Variants in FHAD1 observed in about 807,000 individuals in gnomAD.
The protein encoded by FHAD1 is forkhead-associated domain-containing protein 1.
FHAD1 carries 146 observed loss-of-function variants against 191.3 expected under a neutral mutation model. That is an observed-to-expected ratio of 0.76 (90% confidence interval 0.67 to 0.88). The LOEUF (loss-of-function observed/expected upper bound fraction) is 0.88, where lower values mean the gene tolerates loss of function less well. Among genes scored for constraint, FHAD1 ranks in the 40% least tolerant of loss-of-function variants. The probability of loss-of-function intolerance (pLI) is 0.00; values close to 1 mark genes in which losing one functional copy is unlikely to be tolerated. For synonymous variants in FHAD1, 616 were observed against 672.3 expected (o/e 0.92, Z 1.29); for missense variants, 1,635 against 1,785.8 (o/e 0.92, Z 1.52).
upstream of FHAD1, among the ~76,000 whole-genome samples, chr1:15,244,810 A>C (rs1645809064): frequency 6.6e-6 from 1 of 152,196 alleles, no homozygotes; most frequent in African/African-American, 2.4e-5. The surrounding 1 kb of genome is among the most constrained non-coding windows in gnomAD (Gnocchi z 5.1). Context: ...ATAGTATGTG[A>C]GTTGATGATA....
chr1:15,356,044 G>A (rs1692677737), intron 20 of FHAD1, among the ~76,000 whole-genome samples: 1 of 151,794 alleles, frequency 6.6e-6, no homozygotes, highest in Admixed American at 6.6e-5. Context: ...CTTCCAGACA[G>A]CCTTTGTGTT....
intron 3 of FHAD1, among the ~76,000 whole-genome samples, chr1:15,288,410 C>T (rs900510290): frequency 2.6e-5 from 4 of 152,252 alleles, no homozygotes; most frequent in Non-Finnish European, 4.4e-5. Context: ...GCAGCTGGAG[C>T]ATCTTCCCCG....
At position 15,365,950 on chromosome 1, in the gene FHAD1, G is replaced by T. The variant is rs1267700303; in HGVS notation, c.3154+17G>T. 6.6e-7 allele frequency: 1 copy of T among 1,516,360 alleles called. No homozygotes were observed. Among genetic ancestry groups the T allele is most frequent in the African/African-American group, 1.4e-5 (1 of 72,412 alleles). The allele number at this position is 1,516,360 out of a possible 1,614,324, so 93.9% of individuals were successfully genotyped here. ...ATTTGAGAGGTTTGAACAATTTCTG[G>T]TGTCTCTTGACCTCCTGACCCACTC... On this transcript the variant is annotated intron_variant, in intron 24 of 33. Transcript: ENST00000688493.
At position 15,318,009 on chromosome 1, in the gene FHAD1, C is replaced by T. The variant is rs1675038695; in HGVS notation, c.1365+81C>T. On this transcript the variant is annotated intron_variant, in intron 10 of 33. Coordinates refer to ENST00000688493, the MANE Select transcript of FHAD1 (RefSeq NM_001391957.1). The surrounding 1 kb of genome is among the most constrained non-coding windows in gnomAD (Gnocchi z 4.1). ...CATCCCTGTTAGTCCTCTAAGTGGA[C>T]TATGCTGGTATTAACCCTTCTTACA... is the stretch of plus-strand genomic sequence containing the variant. 2 of 898,984 alleles carry T rather than the reference C, an allele frequency of 2.2e-6. No homozygotes were observed. The highest frequency in any genetic ancestry group is 3.3e-5 in the African/African-American group (2 of 59,758). The allele number at this position is 898,984 out of a possible 1,614,324, so 55.7% of individuals were successfully genotyped here. A position where few individuals can be genotyped will look rare whatever the true frequency, so the allele number is the denominator to read the frequency against.
chr1:15,244,624 T>C (rs1645785303), upstream of FHAD1, among the ~76,000 whole-genome samples: 1 of 152,152 alleles, frequency 6.6e-6, no homozygotes, highest in Non-Finnish European at 1.5e-5. The surrounding 1 kb of genome is among the most constrained non-coding windows in gnomAD (Gnocchi z 5.1). Flanking sequence ...GAGGCCGGGC[T>C]TCAGAAGGGT....
At chr1:15,319,273 G>A (rs1328279860) in intron 10 of FHAD1, among the ~76,000 whole-genome samples, 1 of 152,190 alleles carries the variant, frequency 6.6e-6, no homozygotes, top group East Asian at 1.9e-4. Context: ...ATAGTCAGCA[G>A]AAGTCAAATC....
rs2473334 is a variant in FHAD1, at chr1:15,383,872, C to G, written c.4188+1679C>G. The G allele has an allele frequency of 9.5e-4, 428 of 448,408 alleles. 1 individual carries two copies. Among genetic ancestry groups the G allele is most frequent in the African/African-American group, 7.4e-3 (370 of 50,128 alleles). 27.8% of individuals were successfully genotyped at this position (448,408 alleles called of 1,614,324 possible). A position where few individuals can be genotyped will look rare whatever the true frequency, so the allele number is the denominator to read the frequency against. On this transcript the variant is annotated intron_variant, in intron 31 of 33. Transcript: ENST00000688493. Reference sequence around the variant, plus strand: ...TGCACACAGCGGCTGGTAAGGACAGCTGGGACCTGACCCCAGATCCCTCTG... The same window carrying G: ...TGCACACAGCGGCTGGTAAGGACAGGTGGGACCTGACCCCAGATCCCTCTG...
At position 15,338,822 on chromosome 1, in the gene FHAD1, C is replaced by A. The variant is rs1685332179; in HGVS notation, c.1907-659C>A. 2.6e-5 allele frequency among the ~76,000 whole-genome samples: 4 copies of A among 152,142 alleles called. No homozygotes were observed. The South Asian group carries it at 8.3e-4, about 32-fold the overall frequency. ...TGCCACCTGGGGTCACTGCATGTTT[C>A]CAGCAGGCATTTACACCTTGTCTTT... On this transcript the variant is annotated intron_variant, in intron 14 of 33. Transcript: ENST00000688493.
rs1308942455 is a variant in FHAD1 at position 15,380,809 on chromosome 1, A to G, written c.3801+13A>G. 27 of 1,547,002 alleles carry G rather than the reference A, an allele frequency of 1.7e-5. No homozygotes were observed. The highest frequency in any genetic ancestry group is 2.4e-5 in the Non-Finnish European group (27 of 1,143,172). The stretch of plus-strand genomic sequence containing the variant: ...CAGTGAAAAGCTGGTATGTACATCC[A>G]GCATCCACCCTGCTCCTATCCAAAG... On this transcript the variant is annotated intron_variant, in intron 29 of 33. Coordinates refer to ENST00000688493, the MANE Select transcript of FHAD1 (RefSeq NM_001391957.1).
chr1:15,351,372 AT>A (rs1237715855), intron 19 of FHAD1, among the ~76,000 whole-genome samples: 2 of 152,062 alleles, frequency 1.3e-5, no homozygotes, highest in Non-Finnish European at 2.9e-5. Flanking sequence ...AAATAAAAAA[AT>A]TTTTTTAAAA....
At chr1:15,383,674 A>G (rs1355637052) in intron 31 of FHAD1, 5 of 302,046 alleles carry the variant, frequency 1.7e-5, no homozygotes, top group African/African-American at 1.1e-4. Context: ...CAAGTCAGGG[A>G]AAGAACCACA....
rs1015743111 is a variant in FHAD1, at chr1:15,316,425, G to A, written c.1218G>A (p.Glu406=). The A allele has an allele frequency of 6.4e-7, 1 of 1,551,758 alleles. No homozygotes were observed. Among genetic ancestry groups the A allele is most frequent in the Admixed American group, 2.0e-5 (1 of 51,012 alleles). The part of the protein sequence containing the change: ...EELKQEDAHR[E]LREAQEKELK... ...TAAAACAGGAAGATGCTCACAGGGA[G>A]CTCAGGGAAGCCCAGGAGAAAGAGT... The change falls in exon 9 of 34, where the codon GAG becomes GAA. Residue 406 remains glutamate (E), a synonymous_variant. Coordinates refer to ENST00000688493, the MANE Select transcript of FHAD1 (RefSeq NM_001391957.1). This position sits in a 1 kb window ranked among gnomAD's most constrained non-coding sequence, Gnocchi z 4.3.
intron 22 of FHAD1, among the ~76,000 whole-genome samples, chr1:15,361,817 C>T (rs545551489): frequency 6.6e-6 from 1 of 152,076 alleles, no homozygotes; most frequent in African/African-American, 2.4e-5. Context: ...CCATCCTGGC[C>T]AACATGGTGA....
intron 1 of FHAD1, among the ~76,000 whole-genome samples, chr1:15,248,579 CT>C (rs1372399549): frequency 2.9e-3 from 422 of 144,928 alleles, no homozygotes; most frequent in Admixed American, 3.9e-3. Flanking sequence ...AGGAGATGAC[CT>C]TTTTTTTTTT....
chr1:15,364,515 C>A lies in FHAD1; in HGVS notation c.3048-1312C>A, dbSNP rs184389426. 2.5e-3 allele frequency among the ~76,000 whole-genome samples: 382 copies of A among 152,208 alleles called. 4 individuals carry two copies. Among genetic ancestry groups the A allele is most frequent in the African/African-American group, 8.2e-3 (341 of 41,522 alleles). ...GTCCCAGCTACTTGGGAGGCTGAGGCAGGAGAATCACTTGAACCTGGGAGG... is the reference window on the plus strand; with the variant it reads ...GTCCCAGCTACTTGGGAGGCTGAGGAAGGAGAATCACTTGAACCTGGGAGG... On this transcript the variant is annotated intron_variant, in intron 23 of 33. Transcript: ENST00000688493.
At chr1:15,361,681 A>T (rs1694854921) in intron 22 of FHAD1, among the ~76,000 whole-genome samples, 2 of 151,990 alleles carry the variant, frequency 1.3e-5, no homozygotes, top group South Asian at 4.2e-4. Context: ...CAGTTTCCCA[A>T]TCCAGAGTCC....
intron 21 of FHAD1, among the ~76,000 whole-genome samples, chr1:15,358,670 G>A (rs1021480344): frequency 6.6e-6 from 1 of 152,228 alleles, no homozygotes; most frequent in Non-Finnish European, 1.5e-5. Context: ...CGCCTGGAGA[G>A]CCTCAGGATT....
rs1481613066 is a variant in FHAD1 at position 15,349,115 on chromosome 1, A to G, written c.2420A>G (p.Gln807Arg). The G allele has an allele frequency of 1.3e-6, 2 of 1,551,730 alleles. No individual in the cohort carries two copies. The highest frequency in any genetic ancestry group is 1.2e-5 in the South Asian group (1 of 84,058). ...TTGGAGTCGGAAAAGAGAAAAGTTC[A>G]GGATCTGGAGAACCATTTAACCCAA... is the stretch of plus-strand genomic sequence containing the variant. ...EALESEKRKV[Q>R]DLENHLTQQK... is the part of the protein sequence containing the mutation. The change falls in exon 19 of 34, where the codon CAG (glutamine) becomes CGG (arginine). Residue 807 changes from glutamine (Q) to arginine (R), a missense_variant. Physicochemically the swap from Gln to Arg is conservative, Grantham distance 43. Transcript: ENST00000688493.
intron 2 of FHAD1, among the ~76,000 whole-genome samples, 193 bp from the exon 3 acceptor site, chr1:15,272,130 G>A (rs1055344168): frequency 2.0e-5 from 3 of 152,066 alleles, no homozygotes; most frequent in Admixed American, 6.6e-5. Context: ...CATATCCCAA[G>A]CTCCTTCACA....
Sources: gnomAD v4.1 joint callset for allele counts (sites outside exome capture counted in the v4.1 genomes callset) on GRCh38, gnomAD v4.1.1 for gene constraint, Gnocchi (gnomAD v3.1) non-coding constraint, MANE v1.5 for transcripts, NCBI Gene and HGNC (gene_info 2026-07-23, HGNC 2026-07-21) for gene names.